The following SYT7 variants were observed in gnomAD, a reference collection of about 807,000 sequenced individuals.
SYT7 encodes synaptotagmin-7.
Under a neutral mutation model 75.1 loss-of-function variants are expected in SYT7, and 29 were observed. The observed-to-expected ratio is 0.39, with a 90% CI of 0.29 to 0.53. SYT7 has a LOEUF of 0.53. Ranked by LOEUF, SYT7 falls within the 20% of genes least tolerant of loss-of-function variation. The pLI is 0.77. For synonymous variants in SYT7, 376 were observed against 401.7 expected (o/e 0.94, Z 0.76); for missense variants, 693 against 953.2 (o/e 0.73, Z 3.59).
Position 61,542,283 on chromosome 11 carries a change from C to T in SYT7, c.869G>A (p.Arg290His), listed in dbSNP as rs749705199. The T allele has an allele frequency of 2.6e-5, 40 of 1,534,782 alleles. No homozygotes were observed. The highest frequency in any genetic ancestry group is 3.1e-5 in the Non-Finnish European group (35 of 1,146,310). ...GTGGTCCCAGCTGCCTGGGTTGGAG[C>T]GGCTGCGGCCCCCTGCCGCCCGGTA... ...SKYRAAGGRS[R>H]SNPGSWDHVV... The change falls in exon 6 of 13, where the codon CGC (arginine) becomes CAC (histidine). Residue 290 changes from arginine to histidine, a missense_variant. Physicochemically the swap from Arg to His is conservative, Grantham distance 29. Coordinates refer to ENST00000539008, the MANE Select transcript of SYT7 (RefSeq NM_001365809.2). This position sits in a 1 kb window ranked among gnomAD's most constrained non-coding sequence, Gnocchi z 7.8.
chr11:61,543,937 C>A (rs1171121828), intron 5 of SYT7, among the ~76,000 whole-genome samples: 2 of 152,242 alleles, frequency 1.3e-5, no homozygotes, highest in Non-Finnish European at 2.9e-5. Context: ...CTTCCCTCCA[C>A]CTCTCAATCC....
At chr11:61,565,952 G>C (rs1208589525) in intron 1 of SYT7, among the ~76,000 whole-genome samples, 1 of 152,258 alleles carries the variant, frequency 6.6e-6, no homozygotes, top group Non-Finnish European at 1.5e-5. Context: ...GAATTCAGAG[G>C]AGATGCCAAG....
At chr11:61,531,084 C>T (rs2062690781) in intron 8 of SYT7, 1 of 985,458 alleles carries the variant, frequency 1.0e-6, no homozygotes, top group Non-Finnish European at 1.2e-6. Flanking sequence ...CCAGATTCCA[C>T]AGCCCAGGGT....
Position 61,546,104 on chromosome 11 carries a change from C to T in SYT7, c.499G>A (p.Gly167Ser), listed in dbSNP as rs540013742. The T allele has an allele frequency of 3.9e-5, 60 of 1,531,120 alleles. No individual in the cohort carries two copies. The highest frequency in any genetic ancestry group is 9.7e-5 in the African/African-American group (7 of 72,376). The allele number at this position is 1,531,120 out of a possible 1,614,324, so 94.8% of individuals were successfully genotyped here. A position where few individuals can be genotyped will look rare whatever the true frequency, so the allele number is the denominator to read the frequency against. The change falls in exon 5 of 13, where the codon GGT (glycine) becomes AGT (serine). Residue 167 changes from glycine (G) to serine (S), a missense_variant. Gly to Ser is a moderately conservative substitution (Grantham distance 56, BLOSUM62 0). Around this residue, in one of 2 missense-constraint regions of SYT7, gnomAD observed 487 missense variants for 593.2 expected, o/e 0.82. Transcript: ENST00000539008. This position sits in a 1 kb window ranked among gnomAD's most constrained non-coding sequence, Gnocchi z 7.6. Reference protein sequence around the residue: ...GGAAPSEPGSGGKAGRGRWRT... With the variant: ...GGAAPSEPGSSGKAGRGRWRT... ...CAGCGGCCTCTCCCCGCCTTGCCACCGCTGCCCGGCTCGCTGGGGGCAGCC... is the reference window on the plus strand; with the variant it reads ...CAGCGGCCTCTCCCCGCCTTGCCACTGCTGCCCGGCTCGCTGGGGGCAGCC...
chr11:61,562,930 T>C (rs894191184), intron 1 of SYT7, among the ~76,000 whole-genome samples: 1 of 152,134 alleles, frequency 6.6e-6, no homozygotes, highest in East Asian at 1.9e-4. Flanking sequence ...CCTGGGGAGC[T>C]GCAGGAGAGG....
At chr11:61,526,048 G>A (rs2062504335) in intron 9 of SYT7, 1 of 152,422 alleles carries the variant, frequency 6.6e-6, no homozygotes, top group South Asian at 2.1e-4. Context: ...GAGCAGGAAG[G>A]AGGACGCCTG....
upstream of SYT7, among the ~76,000 whole-genome samples, chr11:61,585,032 T>C (rs1001069247): frequency 1.3e-5 from 2 of 152,210 alleles, no homozygotes; most frequent in Non-Finnish European, 2.9e-5. Flanking sequence ...CTGTTTCCGA[T>C]CTGGCACCAT....
At chr11:61,533,855 C>A (rs747779040) in intron 7 of SYT7, among the ~76,000 whole-genome samples, 1 of 152,130 alleles carries the variant, frequency 6.6e-6, no homozygotes, top group African/African-American at 2.4e-5. Flanking sequence ...GGTGAGCCTA[C>A]ACCCCCTTGC....
intron 5 of SYT7, among the ~76,000 whole-genome samples, chr11:61,543,952 G>T (rs2063116726): frequency 6.6e-6 from 1 of 152,196 alleles, no homozygotes; most frequent in Non-Finnish European, 1.5e-5. Context: ...CAATCCAGTG[G>T]TCTTGGGGAG....
At chr11:61,538,011 G>A (rs2062919396) in intron 7 of SYT7, 133 bp downstream of exon 7, 2 of 1,346,326 alleles carry the variant, frequency 1.5e-6, no homozygotes, top group Non-Finnish European at 2.0e-6. Flanking sequence ...TGGGGAGGGG[G>A]CTTGTCCTTC....
rs74438395 is a variant in SYT7, at chr11:61,514,079, G to A, written c.*4548C>T. 0.03 allele frequency among the ~76,000 whole-genome samples: 4,602 copies of A among 152,220 alleles called. 252 individuals carry two copies. The highest frequency in any genetic ancestry group is 0.11 in the African/African-American group (4,406 of 41,496). ...CAGGGAGGGGTGGGGGAGCATCTCA[G>A]AGCAGGCATGGACGAAGACAGACCC... On this transcript the variant is annotated 3_prime_UTR_variant, in exon 13 of 13. Coordinates refer to ENST00000539008, the MANE Select transcript of SYT7 (RefSeq NM_001365809.2).
Position 61,580,814 on chromosome 11 carries a change from G to A in SYT7, c.7C>T (p.Arg3Trp). 4 of 1,283,174 alleles carry A rather than the reference G, an allele frequency of 3.1e-6. No homozygotes were observed. The highest frequency in any genetic ancestry group is 3.9e-6 in the Non-Finnish European group (4 of 1,012,776). 79.5% of individuals were successfully genotyped at this position (1,283,174 alleles called of 1,614,324 possible). ...CCTGGGCTGGCCGCCTCCGGGTCCC[G>A]GTACATGGTCCCCTCGTCGCCGGTT... Reference protein sequence around the residue: MYRDPEAASPGAP... With the variant: MYWDPEAASPGAP... Residue 3 changes from arginine to tryptophan, a missense_variant, in exon 1 of 13, where the codon CGG becomes TGG. By Grantham distance (101) the Arg-to-Trp change is moderately radical. Coordinates refer to ENST00000539008, the MANE Select transcript of SYT7 (RefSeq NM_001365809.2). This position sits in a 1 kb window ranked among gnomAD's most constrained non-coding sequence, Gnocchi z 6.1.
chr11:61,550,343 T>G (rs1590901143), intron 3 of SYT7, among the ~76,000 whole-genome samples: 19 of 134,428 alleles, frequency 1.4e-4, no homozygotes, highest in African/African-American at 2.3e-4. Flanking sequence ...GGGGGAGGAG[T>G]GGAGAAGAGA....
chr11:61,555,214 C>T (rs1445594504), intron 2 of SYT7, among the ~76,000 whole-genome samples: 1 of 152,202 alleles, frequency 6.6e-6, no homozygotes, highest in Non-Finnish European at 1.5e-5. Context: ...CATTCTCGGC[C>T]CGGGGAGATG....
chr11:61,555,942 G>A (rs2063490081), intron 2 of SYT7, among the ~76,000 whole-genome samples, 162 bp downstream of exon 2: 1 of 152,252 alleles, frequency 6.6e-6, no homozygotes, highest in Non-Finnish European at 1.5e-5. Flanking sequence ...GTATGCACGC[G>A]GTCTGAATTT....
the SYT7 span, among the ~76,000 whole-genome samples, chr11:61,586,246 C>T: frequency 6.6e-6 from 1 of 152,234 alleles, no homozygotes; most frequent in African/African-American, 2.4e-5. Context: ...AAATCCCTCA[C>T]CACCCTTAAA....
chr11:61,528,302 C>T lies in SYT7; in HGVS notation c.1201-117G>A. The T allele has an allele frequency of 4.7e-6, 6 of 1,284,686 alleles. No individual in the cohort carries two copies. In the South Asian group the frequency reaches 7.1e-5, roughly 15 times the overall value. The allele number at this position is 1,284,686 out of a possible 1,614,324, so 79.6% of individuals were successfully genotyped here. A position where few individuals can be genotyped will look rare whatever the true frequency, so the allele number is the denominator to read the frequency against. Reference sequence around the variant, plus strand: ...CGGTGGCCCAGCCCACACTCACATCCCACGGACGCTGCTCAGGCTCAGAGG... The same window carrying T: ...CGGTGGCCCAGCCCACACTCACATCTCACGGACGCTGCTCAGGCTCAGAGG... On this transcript the variant is annotated intron_variant, in intron 8 of 12. Coordinates refer to ENST00000539008, the MANE Select transcript of SYT7 (RefSeq NM_001365809.2).
chr11:61,526,138 G>A (rs1023635068), intron 9 of SYT7: 1 of 152,240 alleles, frequency 6.6e-6, no homozygotes, highest in Non-Finnish European at 1.5e-5. Context: ...CAGAGACTCT[G>A]GAAGCACCGA....
At chr11:61,534,843 TACACAC>T (rs10552302) in intron 7 of SYT7, among the ~76,000 whole-genome samples, 3 of 147,778 alleles carry the variant, frequency 2.0e-5, no homozygotes, top group Admixed American at 6.7e-5. Context: ...ACGCACCACA[TACACAC>T]ACACACACAC....
Sources: gnomAD v4.1 joint callset for allele counts (sites outside exome capture counted in the v4.1 genomes callset) on GRCh38, gnomAD v4.1.1 for gene constraint, gnomAD v4.1.1 regional missense constraint, Gnocchi (gnomAD v3.1) non-coding constraint, MANE v1.5 for transcripts, NCBI Gene and HGNC (gene_info 2026-07-23, HGNC 2026-07-21) for gene names.